The following GRM3 variants were observed in gnomAD, a reference collection of about 807,000 sequenced individuals.
GRM3 encodes glutamate metabotropic receptor 3.
In GRM3, 26 loss-of-function variants were observed where a neutral mutation model predicts 70.5. The observed-to-expected ratio is 0.37, with a 90% CI of 0.27 to 0.51. The LOEUF (loss-of-function observed/expected upper bound fraction) is 0.51, where lower values mean the gene tolerates loss of function less well. Ranked by LOEUF, GRM3 falls within the 20% of genes least tolerant of loss-of-function variation. The pLI is 0.93. For missense variants in GRM3, 859 were observed against 1,123.8 expected (o/e 0.76, Z 3.37); for synonymous variants, 443 against 434.9 (o/e 1.02, Z -0.23).
intron 3 of GRM3, among the ~76,000 whole-genome samples, chr7:86,804,741 T>C (rs1797752742): frequency 6.6e-6 from 1 of 152,232 alleles, no homozygotes; most frequent in African/African-American, 2.4e-5. Context: ...TTGCTTTTCA[T>C]ATGACAGGTG....
At chr7:86,783,734 T>C (rs1797142201) in intron 2 of GRM3, among the ~76,000 whole-genome samples, 1 of 152,192 alleles carries the variant, frequency 6.6e-6, no homozygotes, top group Non-Finnish European at 1.5e-5. Flanking sequence ...AAACTAATTT[T>C]AAAAGGAGCA....
At chr7:86,671,000 A>G (rs1474874264) in intron 1 of GRM3, among the ~76,000 whole-genome samples, 2 of 152,198 alleles carry the variant, frequency 1.3e-5, no homozygotes, top group Non-Finnish European at 2.9e-5. Flanking sequence ...TGTAGCTTTC[A>G]TGAAATATGT....
At chr7:86,667,565 G>A (rs1408390835) in intron 1 of GRM3, among the ~76,000 whole-genome samples, 9 of 152,038 alleles carry the variant, frequency 5.9e-5, no homozygotes, top group Non-Finnish European at 1.3e-4. Flanking sequence ...GGGAAGAATG[G>A]GGGTTCACAC....
At chr7:86,659,484 C>A (rs993447221) in intron 1 of GRM3, among the ~76,000 whole-genome samples, 2 of 152,078 alleles carry the variant, frequency 1.3e-5, no homozygotes, top group African/African-American at 4.8e-5. Context: ...TTAGATCTGG[C>A]ATTTGGCTCC....
At chr7:86,814,625 A>C (rs1444009064) in intron 3 of GRM3, among the ~76,000 whole-genome samples, 1 of 151,722 alleles carries the variant, frequency 6.6e-6, no homozygotes, top group Non-Finnish European at 1.5e-5. Context: ...TTATAGTGTC[A>C]CTCTAACAAA....
chr7:86,752,580 T>C (rs952974756), intron 1 of GRM3, among the ~76,000 whole-genome samples: 2 of 151,990 alleles, frequency 1.3e-5, no homozygotes, highest in African/African-American at 2.4e-5. Context: ...ATAGTAGGGG[T>C]CAATATTCCC....
At chr7:86,820,985 C>T (rs1054368887) in intron 3 of GRM3, among the ~76,000 whole-genome samples, 24 of 152,102 alleles carry the variant, frequency 1.6e-4, no homozygotes, top group Non-Finnish European at 3.5e-4. Context: ...CAGACAAATT[C>T]CAATACTTCT....
At position 86,824,699 on chromosome 7, in the gene GRM3, T is replaced by A. The variant is rs550394660; in HGVS notation, c.1325-14140T>A. ...TAACTTTCTCCATCTATTTCAAGGATGACTGTGGGTGAAGTTTTGGATGTT... is the reference window on the plus strand; with the variant it reads ...TAACTTTCTCCATCTATTTCAAGGAAGACTGTGGGTGAAGTTTTGGATGTT... On this transcript the variant is annotated intron_variant, in intron 3 of 5. Transcript: ENST00000361669. 1.1e-3 allele frequency among the ~76,000 whole-genome samples: 166 copies of A among 152,320 alleles called. 1 individual carries two copies. The highest frequency in any genetic ancestry group is 3.9e-3 in the African/African-American group (161 of 41,582).
intron 1 of GRM3, among the ~76,000 whole-genome samples, chr7:86,704,935 A>G (rs922559272): frequency 4.6e-5 from 7 of 151,896 alleles, no homozygotes; most frequent in East Asian, 1.9e-4. Flanking sequence ...AAGTCAATCA[A>G]TGTTAACTAT....
chr7:86,675,197 C>A (rs1433429558), intron 1 of GRM3, among the ~76,000 whole-genome samples: 1 of 152,002 alleles, frequency 6.6e-6, no homozygotes, highest in Non-Finnish European at 1.5e-5. Context: ...TCTTGGAGAA[C>A]CAGTACTGTG....
rs1190182515 is a variant in GRM3, at chr7:86,694,721, C to CT, written c.-141+49855dup. Among the ~76,000 whole-genome samples, 6 of 152,142 alleles carry CT rather than the reference C, an allele frequency of 3.9e-5. No homozygotes were observed. In the East Asian group the frequency reaches 1.2e-3, roughly 29 times the overall value. Reference sequence around the variant, plus strand: ...GTATCTGGTTTCACTTAACAAGTGACTTTTTTATTTGGCCATGAAAGTTAG... The same window carrying CT: ...GTATCTGGTTTCACTTAACAAGTGACTTTTTTTATTTGGCCATGAAAGTTAG... On this transcript the variant is annotated intron_variant, in intron 1 of 5. Transcript: ENST00000361669.
Position 86,765,621 on chromosome 7 carries a change from T to A in GRM3, c.468+8T>A. The A allele has an allele frequency of 6.2e-7, 1 of 1,604,550 alleles. No individual in the cohort carries two copies. The highest frequency in any genetic ancestry group is 2.2e-5 in the East Asian group (1 of 44,574). The stretch of plus-strand genomic sequence containing the variant: ...AGCAGTGTTTCCATACAGGTAAGAT[T>A]GGCTAATGCTATTGCTAAAAGGCTG... On this transcript the variant is annotated splice_region_variant and intron_variant, in intron 2 of 5. Coordinates refer to ENST00000361669, the MANE Select transcript of GRM3 (RefSeq NM_000840.3).
intron 5 of GRM3, 56 bp from the exon 6 acceptor site, chr7:86,864,226 T>C: frequency 2.3e-6 from 2 of 868,398 alleles, no homozygotes; most frequent in Non-Finnish European, 2.0e-6. Context: ...TTCATGCTAT[T>C]ACCTTTGTGT....
At chr7:86,791,443 C>A (rs1797415709) in intron 3 of GRM3, among the ~76,000 whole-genome samples, 1 of 151,686 alleles carries the variant, frequency 6.6e-6, no homozygotes, top group Non-Finnish European at 1.5e-5. Flanking sequence ...ATAAATGTAA[C>A]CAAATATCAT....
chr7:86,839,383 C>T lies in GRM3; in HGVS notation c.1869C>T (p.Gly623=), dbSNP rs1309217243. The change falls in exon 4 of 6, where the codon GGC becomes GGT. Residue 623 remains glycine, a synonymous_variant. Coordinates refer to ENST00000361669, the MANE Select transcript of GRM3 (RefSeq NM_000840.3). The surrounding 1 kb of genome is among the most constrained non-coding windows in gnomAD (Gnocchi z 4.5). Reference sequence around the variant, plus strand: ...GCTACATCTTATTGTTTGGGGTTGGCCTGTCATACTGCATGACATTCTTCT... The same window carrying T: ...GCTACATCTTATTGTTTGGGGTTGGTCTGTCATACTGCATGACATTCTTCT... ...ELCYILLFGV[G]LSYCMTFFFI... 1.2e-6 allele frequency: 2 copies of T among 1,613,754 alleles called. No homozygotes were observed. Among genetic ancestry groups the T allele is most frequent in the African/African-American group, 1.3e-5 (1 of 74,902 alleles).
At chr7:86,727,564 A>G (rs1795620751) in intron 1 of GRM3, among the ~76,000 whole-genome samples, 1 of 152,212 alleles carries the variant, frequency 6.6e-6, no homozygotes, top group Admixed American at 6.5e-5. Context: ...TGAGGGCAGA[A>G]ACCTTTTTTT....
chr7:86,776,065 G>T (rs1449014955), intron 2 of GRM3: 1 of 151,856 alleles, frequency 6.6e-6, no homozygotes, highest in Non-Finnish European at 1.5e-5. Context: ...TTAGAATAGT[G>T]CCTTGTATAA....
At chr7:86,743,424 A>T (rs1796032238) in intron 1 of GRM3, among the ~76,000 whole-genome samples, 1 of 152,108 alleles carries the variant, frequency 6.6e-6, no homozygotes, top group Non-Finnish European at 1.5e-5. Flanking sequence ...AAGTGGGAAA[A>T]ATTTATGGAG....
intron 1 of GRM3, among the ~76,000 whole-genome samples, chr7:86,658,843 T>C (rs1472337557): frequency 6.6e-6 from 1 of 151,336 alleles, no homozygotes; most frequent in African/African-American, 2.4e-5. Context: ...GTCAGTACCC[T>C]GTTATACTAA....
Sources: allele counts gnomAD v4.1 joint callset (sites outside exome capture counted in the v4.1 genomes callset), GRCh38; gene constraint gnomAD v4.1.1; non-coding constraint Gnocchi (gnomAD v3.1); transcripts MANE v1.5; gene names NCBI Gene and HGNC (gene_info 2026-07-23, HGNC 2026-07-21).